TGFB2: variants seen among roughly 807,000 people sequenced by gnomAD.
The protein encoded by TGFB2 is transforming growth factor beta-2 proprotein.
In TGFB2, 13 loss-of-function variants were observed where a neutral mutation model predicts 42.7. The ratio of observed to expected loss-of-function variants is 0.30; its 90% CI spans 0.20 to 0.48. The LOEUF is 0.48. Among genes scored for constraint, TGFB2 ranks in the 20% least tolerant of loss-of-function variants. The pLI is 0.99. For missense variants in TGFB2, 390 were observed against 517.5 expected (o/e 0.75, Z 2.39); for synonymous variants, 193 against 193.6 (o/e 1.00, Z 0.03).
chr1:218,348,567 T>C (rs1285263428), intron 1 of TGFB2, among the ~76,000 whole-genome samples: 1 of 152,256 alleles, frequency 6.6e-6, no homozygotes, highest in Non-Finnish European at 1.5e-5. Flanking sequence ...AGGATGATTT[T>C]ATTATTGTAA....
At chr1:218,359,851 A>G (rs747951684) in intron 1 of TGFB2, among the ~76,000 whole-genome samples, 6 of 152,302 alleles carry the variant, frequency 3.9e-5, no homozygotes, top group Middle Eastern at 3.4e-3. Context: ...ATCTAATTTT[A>G]CTTAAGATAT....
chr1:218,407,971 A>T (rs1219932702), intron 2 of TGFB2, among the ~76,000 whole-genome samples: 1 of 152,222 alleles, frequency 6.6e-6, no homozygotes, highest in Non-Finnish European at 1.5e-5. Context: ...GATGATTTAA[A>T]CAAACAAACA....
chr1:218,396,051 T>C (rs1658498931), intron 1 of TGFB2, among the ~76,000 whole-genome samples: 1 of 151,916 alleles, frequency 6.6e-6, no homozygotes. Flanking sequence ...CTTTTTGGAG[T>C]AGGAAAGGTA....
chr1:218,363,535 T>C, intron 1 of TGFB2: 1 of 1,004,618 alleles, frequency 1.0e-6, no homozygotes, highest in Non-Finnish European at 1.5e-6. Flanking sequence ...AATGCAGCCT[T>C]GTACCTGAGC....
chr1:218,439,347 A>C (rs1199488439), intron 6 of TGFB2, among the ~76,000 whole-genome samples: 1 of 152,066 alleles, frequency 6.6e-6, no homozygotes. Flanking sequence ...CATTAGAAAA[A>C]TTGCCTTCAC....
At chr1:218,355,757 C>A (rs1657012510) in intron 1 of TGFB2, among the ~76,000 whole-genome samples, 1 of 152,194 alleles carries the variant, frequency 6.6e-6, no homozygotes. Flanking sequence ...ATCTCATTGA[C>A]TTTAAAATGC....
intron 1 of TGFB2, among the ~76,000 whole-genome samples, chr1:218,390,536 T>A (rs1414694795): frequency 1.3e-5 from 2 of 152,088 alleles, no homozygotes; most frequent in African/African-American, 2.4e-5. Context: ...ACAAAAATAA[T>A]GAGATTGAAG....
intron 1 of TGFB2, among the ~76,000 whole-genome samples, chr1:218,383,410 C>A (rs1364266101): frequency 6.6e-6 from 1 of 152,148 alleles, no homozygotes. Flanking sequence ...AAATATGAAT[C>A]TGCCTTTAGA....
intron 2 of TGFB2, among the ~76,000 whole-genome samples, chr1:218,429,439 G>A (rs1190777083): frequency 2.0e-5 from 3 of 152,030 alleles, no homozygotes; most frequent in South Asian, 4.1e-4. Context: ...CTTTCTTATG[G>A]CTGAATAATA....
At chr1:218,432,464 T>A (rs1289628228) in intron 2 of TGFB2, among the ~76,000 whole-genome samples, 1 of 152,164 alleles carries the variant, frequency 6.6e-6, no homozygotes, top group Non-Finnish European at 1.5e-5. Flanking sequence ...ATGAATCTCC[T>A]TCCTTTTCTA....
intron 1 of TGFB2, among the ~76,000 whole-genome samples, chr1:218,385,326 C>A (rs1220166528): frequency 1.3e-5 from 2 of 152,142 alleles, no homozygotes; most frequent in East Asian, 3.9e-4. Context: ...TACAGTGATG[C>A]CACCTTGTAC....
intron 1 of TGFB2, among the ~76,000 whole-genome samples, chr1:218,383,133 G>A (rs909857906): frequency 6.6e-6 from 1 of 152,218 alleles, no homozygotes; most frequent in Non-Finnish European, 1.5e-5. Context: ...CCAACGAAGA[G>A]GAAAGAAACC....
chr1:218,421,668 T>C (rs1480855597), intron 2 of TGFB2, among the ~76,000 whole-genome samples: 1 of 152,166 alleles, frequency 6.6e-6, no homozygotes, highest in Admixed American at 6.5e-5. Context: ...AAAAGATATG[T>C]TGAAGTCATA....
rs777601980 is a variant in TGFB2 at position 218,441,407 on chromosome 1, AATG to A, written c.*53_*55del. 5.5e-4 allele frequency: 852 copies of A among 1,562,302 alleles called. No homozygotes were observed. The highest frequency in any genetic ancestry group is 7.1e-4 in the Non-Finnish European group (817 of 1,156,002). ...AGACCAAAATGACAATGATGATGAT[AATG>A]ATGATGACGACGACAACGATGATGC... On this transcript the variant is annotated 3_prime_UTR_variant, in exon 7 of 7. Transcript: ENST00000366930.
At chr1:218,363,389 A>G in intron 1 of TGFB2, 1 of 1,613,958 alleles carries the variant, frequency 6.2e-7, no homozygotes, top group Non-Finnish European at 8.5e-7. Context: ...TGTGCTCCAG[A>G]CAGTCCCAGG....
At chr1:218,350,367 C>T (rs1571825052) in intron 1 of TGFB2, among the ~76,000 whole-genome samples, 1 of 152,102 alleles carries the variant, frequency 6.6e-6, no homozygotes, top group Admixed American at 6.5e-5. Flanking sequence ...GTTGTCATGA[C>T]TGGAGGTGGA....
At position 218,414,996 on chromosome 1, in the gene TGFB2, A is replaced by T. The variant is rs1251460543; in HGVS notation, c.510+9664A>T. 2.6e-5 allele frequency among the ~76,000 whole-genome samples: 4 copies of T among 152,126 alleles called. No individual in the cohort carries two copies. In the East Asian group the frequency reaches 7.7e-4, roughly 29 times the overall value. On this transcript the variant is annotated intron_variant, in intron 2 of 6. Transcript: ENST00000366930. ...TTCCATACTAGCAGAAAGAACACAG[A>T]TTTTGGAGTTGATCAGGGTGGGTGC...
At chr1:218,350,261 C>T (rs1656827661) in intron 1 of TGFB2, among the ~76,000 whole-genome samples, 1 of 152,162 alleles carries the variant, frequency 6.6e-6, no homozygotes, top group African/African-American at 2.4e-5. Context: ...CCAATCAGCA[C>T]ATGTTGTGGT....
At chr1:218,427,477 C>T (rs540875160) in intron 2 of TGFB2, among the ~76,000 whole-genome samples, 22 of 152,250 alleles carry the variant, frequency 1.4e-4, no homozygotes, top group Admixed American at 6.5e-4. Context: ...AATGCTATCC[C>T]TCCCCTCTCC....
Sources: allele counts gnomAD v4.1 joint callset (sites outside exome capture counted in the v4.1 genomes callset), GRCh38; gene constraint gnomAD v4.1.1; transcripts MANE v1.5; gene names NCBI Gene and HGNC (gene_info 2026-07-23, HGNC 2026-07-21).